The following CSF2RA variants were observed in gnomAD, a reference collection of about 807,000 sequenced individuals.
CSF2RA encodes granulocyte-macrophage colony-stimulating factor receptor subunit alpha.
A neutral mutation model predicts 51.6 loss-of-function variants in CSF2RA; 42 were observed. The observed-to-expected ratio is 0.81, with a 90% CI of 0.64 to 1.05. The LOEUF (loss-of-function observed/expected upper bound fraction) is 1.05, where lower values mean the gene tolerates loss of function less well. Among genes scored for constraint, CSF2RA ranks in the 50% least tolerant of loss-of-function variants. CSF2RA has a pLI of 0.00. For synonymous variants in CSF2RA, 222 were observed against 193.0 expected (o/e 1.15, Z -1.24); for missense variants, 530 against 501.1 (o/e 1.06, Z -0.55).
At chrX:1,280,220 C>A (rs1374102090) in intron 2 of CSF2RA, among the ~76,000 whole-genome samples, 1 of 152,012 alleles carries the variant, frequency 6.6e-6, no homozygotes, top group African/African-American at 2.4e-5. Flanking sequence ...GCCTGTAATT[C>A]CAGCAGTTTG....
At chrX:1,301,349 A>G (rs1399531280) in intron 10 of CSF2RA, among the ~76,000 whole-genome samples, 24 of 148,364 alleles carry the variant, frequency 1.6e-4, no homozygotes, top group South Asian at 4.2e-4. Context: ...AAAAAAAAAA[A>G]AAAAAGAAAA....
At chrX:1,272,795 C>A (rs1232348195) in intron 1 of CSF2RA, among the ~76,000 whole-genome samples, 1 of 117,162 alleles carries the variant, frequency 8.5e-6, no homozygotes, top group African/African-American at 3.6e-5. Context: ...CTAGCTTCTT[C>A]TTTTTCTTTT....
chrX:1,300,231 A>C (rs777600796), intron 9 of CSF2RA: 11 of 155,344 alleles, frequency 7.1e-5, no homozygotes, highest in Admixed American at 5.7e-4. Context: ...AAAATAAATA[A>C]ATAAAATAAA....
chrX:1,314,236 CCCAACCCCA>C (rs1410538823), downstream of CSF2RA, among the ~76,000 whole-genome samples: 14 of 104,692 alleles, frequency 1.3e-4, no homozygotes, highest in African/African-American at 4.1e-4. Flanking sequence ...ACTGCACCTG[CCCAACCCCA>C]CTGCACCTGC....
At position 1,309,843 on chromosome X, in the gene CSF2RA, G is replaced by T. The variant is rs751917044; in HGVS notation, c.*364G>T. The T allele has an allele frequency of 1.0e-4, 61 of 600,364 alleles. No individual in the cohort carries two copies. The highest frequency in any genetic ancestry group is 1.7e-4 in the Non-Finnish European group (57 of 338,006). The allele number at this position is 600,364 out of a possible 1,614,324, so 37.2% of individuals were successfully genotyped here. On this transcript the variant is annotated 3_prime_UTR_variant, in exon 13 of 13. Coordinates refer to ENST00000381529, the MANE Select transcript of CSF2RA (RefSeq NM_172245.4). ...GCGGAGGTTGTAGTGAGCCAAGATC[G>T]CACCATTGCACACCAACCTGCGTGA...
Position 1,303,929 on chromosome X carries a change from A to T in CSF2RA, c.953A>T (p.Asp318Val), listed in dbSNP as rs374398870. The change falls in exon 11 of 13, where the codon GAC becomes GTC. Residue 318 changes from aspartate (D) to valine (V), a missense_variant. Physicochemically the swap from Asp to Val is radical, Grantham distance 152. Coordinates refer to ENST00000381529, the MANE Select transcript of CSF2RA (RefSeq NM_172245.4). The stretch of plus-strand genomic sequence containing the variant: ...AACCTGTGTGTCTCTCCAGGTTCTG[A>T]CGACGGGAACCTCGGCTCTGTGTAC... Reference protein sequence around the residue: ...SWSEAIEFGSDDGNLGSVYIY... With the variant: ...SWSEAIEFGSVDGNLGSVYIY... The T allele has an allele frequency of 2.5e-5, 41 of 1,613,444 alleles. No homozygotes were observed. In the African/African-American group the frequency reaches 5.2e-4, roughly 20 times the overall value.
At chrX:1,323,430 A>G in the CSF2RA span, among the ~76,000 whole-genome samples, 1 of 152,144 alleles carries the variant, frequency 6.6e-6, no homozygotes, top group South Asian at 2.1e-4. Flanking sequence ...ATGGCTGCAG[A>G]GAGGAGCATG....
At chrX:1,320,655 G>C in the CSF2RA span, among the ~76,000 whole-genome samples, 1 of 144,272 alleles carries the variant, frequency 6.9e-6, no homozygotes, top group African/African-American at 2.6e-5. Flanking sequence ...CCACCATCAT[G>C]CCCAGCTAAT....
At chrX:1,287,549 T>C (rs367959643) in intron 4 of CSF2RA, among the ~76,000 whole-genome samples, 3 of 125,300 alleles carry the variant, frequency 2.4e-5, no homozygotes, top group Admixed American at 8.1e-5. Flanking sequence ...GTTCAAGAGA[T>C]TCTCCTGCCT....
intron 2 of CSF2RA, among the ~76,000 whole-genome samples, chrX:1,278,953 C>T (rs1219294490): frequency 6.6e-6 from 1 of 150,402 alleles, no homozygotes; most frequent in Non-Finnish European, 1.5e-5. Flanking sequence ...AGTAGAATCA[C>T]TTGAACCTAG....
chrX:1,282,783 A>G lies in CSF2RA; in HGVS notation c.76+4A>G. ...CTCCTGATCCCAGAGAAATCGGGTA[A>G]GTATGGAAACCTGGCTGAACCTTCT... is the stretch of plus-strand genomic sequence containing the variant. On this transcript the variant is annotated splice_donor_region_variant and intron_variant, in intron 3 of 12. Coordinates refer to ENST00000381529, the MANE Select transcript of CSF2RA (RefSeq NM_172245.4). The G allele has an allele frequency of 5.0e-6, 8 of 1,613,078 alleles. No individual in the cohort carries two copies. Among genetic ancestry groups the G allele is most frequent in the Non-Finnish European group, 5.9e-6 (7 of 1,179,166 alleles).
intron 10 of CSF2RA, among the ~76,000 whole-genome samples, chrX:1,301,993 C>T (rs1481878072): frequency 5.4e-5 from 8 of 148,978 alleles, no homozygotes; most frequent in Non-Finnish European, 8.9e-5. Flanking sequence ...CTCGGCTCAC[C>T]GCGATCTCCG....
intron 1 of CSF2RA, among the ~76,000 whole-genome samples, chrX:1,271,272 C>T (rs191373983): frequency 5.7e-5 from 3 of 52,956 alleles, no homozygotes; most frequent in African/African-American, 1.9e-4. Flanking sequence ...ATTCTCCTGC[C>T]TCAGCCTCCT....
At chrX:1,307,290 T>C (rs1462403521) in intron 12 of CSF2RA, among the ~76,000 whole-genome samples, 2 of 152,190 alleles carry the variant, frequency 1.3e-5, no homozygotes, top group Admixed American at 6.6e-5. Flanking sequence ...TTTGACTGAT[T>C]AGACCAGGCC....
At chrX:1,319,166 T>G in the CSF2RA span, among the ~76,000 whole-genome samples, 57 of 148,450 alleles carry the variant, frequency 3.8e-4, 1 homozygote, top group African/African-American at 1.3e-3. Context: ...TGGCTAATTT[T>G]TGTATTTTTA....
the CSF2RA span, among the ~76,000 whole-genome samples, chrX:1,322,546 G>A: frequency 4.9e-5 from 7 of 144,238 alleles, no homozygotes; most frequent in African/African-American, 1.0e-4. Context: ...TCACCTCCAA[G>A]TTCAGTGCTC....
At position 1,287,756 on chromosome X, in the gene CSF2RA, G is replaced by T. The variant is rs1382576956; in HGVS notation, c.220-763G>T. Among the ~76,000 whole-genome samples, 3 of 123,454 alleles carry T rather than the reference G, an allele frequency of 2.4e-5. 1 individual carries two copies. The highest frequency in any genetic ancestry group is 9.4e-5 in the African/African-American group (3 of 31,874). 81.0% of individuals were successfully genotyped at this position (123,454 alleles called of 152,430 possible). ...ACTATGTCCGACCCTTTTTTTGGGG[G>T]GATGGAGTCTCTGTCTGTCACCCAG... On this transcript the variant is annotated intron_variant, in intron 4 of 12. Coordinates refer to ENST00000381529, the MANE Select transcript of CSF2RA (RefSeq NM_172245.4).
At chrX:1,301,787 G>T (rs1225871700) in intron 10 of CSF2RA, among the ~76,000 whole-genome samples, 1 of 148,292 alleles carries the variant, frequency 6.7e-6, no homozygotes. Flanking sequence ...TTTTTTTTTA[G>T]TAGAGACAGG....
In CSF2RA at chrX:1,288,534, T is replaced by C. The variant is rs2091030690; in HGVS notation, c.235T>C (p.Cys79Arg). 1.2e-6 allele frequency: 2 copies of C among 1,613,914 alleles called. No individual in the cohort carries two copies. Among genetic ancestry groups the C allele is most frequent in the Non-Finnish European group, 1.7e-6 (2 of 1,179,854 alleles). Residue 79 changes from cysteine to arginine, a missense_variant, in exon 5 of 13, where the codon TGT becomes CGT. Coordinates refer to ENST00000381529, the MANE Select transcript of CSF2RA (RefSeq NM_172245.4). Reference sequence around the variant, plus strand: ...AATTCTTCAGCTCAGTAACAACGAATGTTCGTGCACATTTCGTGAAATTTG... The same window carrying C: ...AATTCTTCAGCTCAGTAACAACGAACGTTCGTGCACATTTCGTGAAATTTG... ...VVEPRLSNNE[C>R]SCTFREICLH...
Sources: allele counts gnomAD v4.1 joint callset (sites outside exome capture counted in the v4.1 genomes callset), GRCh38; gene constraint gnomAD v4.1.1; transcripts MANE v1.5; gene names NCBI Gene and HGNC (gene_info 2026-07-23, HGNC 2026-07-21).